Variants in ADGRB3 observed in about 807,000 individuals in gnomAD.
The protein encoded by ADGRB3 is adhesion G protein-coupled receptor B3.
In ADGRB3, 37 loss-of-function variants were observed where a neutral mutation model predicts 193.4. That is an observed-to-expected ratio of 0.19 (90% confidence interval 0.15 to 0.25). ADGRB3 has a LOEUF of 0.25. ADGRB3 is among the 10% of genes least tolerant of loss of function. The pLI is 1.00. For missense variants in ADGRB3, 1,637 were observed against 1,852.9 expected, an observed-to-expected ratio of 0.88 and a Z score of 2.14; for synonymous variants, 690 against 644.2, an observed-to-expected ratio of 1.07 and a Z score of -1.08.
chr6:68,735,394 T>C (rs996237083), intron 3 of ADGRB3, among the ~76,000 whole-genome samples: 13 of 151,932 alleles, frequency 8.6e-5, no homozygotes, highest in African/African-American at 1.2e-4. Flanking sequence ...AGGAATTAAA[T>C]TGAATTAGAA....
chr6:68,859,254 A>G (rs962401102), intron 3 of ADGRB3, among the ~76,000 whole-genome samples: 1 of 152,216 alleles, frequency 6.6e-6, no homozygotes, highest in Non-Finnish European at 1.5e-5. Context: ...GTTATTGTCC[A>G]TATCACTATC....
intron 3 of ADGRB3, among the ~76,000 whole-genome samples, chr6:68,882,542 A>T (rs1375372400): frequency 6.6e-6 from 1 of 152,116 alleles, no homozygotes; most frequent in Non-Finnish European, 1.5e-5. Context: ...CTTCCTTTAC[A>T]TTGCATTATC....
At chr6:68,914,417 C>G (rs895477922) in intron 3 of ADGRB3, among the ~76,000 whole-genome samples, 20 of 152,052 alleles carry the variant, frequency 1.3e-4, no homozygotes, top group African/African-American at 4.3e-4. Flanking sequence ...GAATTTTCAA[C>G]CCAGAATTTC....
intron 6 of ADGRB3, 21 bp from the exon 7 acceptor site, chr6:68,956,003 T>C: frequency 6.2e-7 from 1 of 1,609,172 alleles, no homozygotes. Flanking sequence ...CCTCATGCTG[T>C]CTCTTTTTCT....
At chr6:68,757,496 T>C (rs1480921712) in intron 3 of ADGRB3, among the ~76,000 whole-genome samples, 1 of 152,146 alleles carries the variant, frequency 6.6e-6, no homozygotes, top group Non-Finnish European at 1.5e-5. Context: ...GACTATTGAT[T>C]TGATAATAAA....
intron 17 of ADGRB3, among the ~76,000 whole-genome samples, chr6:69,178,775 C>A (rs1255993493): frequency 1.3e-5 from 2 of 152,170 alleles, no homozygotes; most frequent in Non-Finnish European, 2.9e-5. Flanking sequence ...TGAAAATAGT[C>A]CCTCAGTCTC....
chr6:69,126,380 G>A (rs1045051484), intron 17 of ADGRB3, among the ~76,000 whole-genome samples: 1 of 152,162 alleles, frequency 6.6e-6, no homozygotes, highest in Non-Finnish European at 1.5e-5. Context: ...AACCAGGAAC[G>A]TTGGTAGAGT....
At chr6:69,290,360 G>T (rs1561978242) in intron 20 of ADGRB3, among the ~76,000 whole-genome samples, 1 of 152,072 alleles carries the variant, frequency 6.6e-6, no homozygotes, top group Non-Finnish European at 1.5e-5. Context: ...TGCAGTGGTA[G>T]ATCTAAAATA....
At chr6:68,809,797 T>C (rs1767476226) in intron 3 of ADGRB3, among the ~76,000 whole-genome samples, 1 of 152,224 alleles carries the variant, frequency 6.6e-6, no homozygotes, top group South Asian at 2.1e-4. Flanking sequence ...TAAAAACATA[T>C]TAGTCTCTGC....
At chr6:68,914,933 A>T (rs888264840) in intron 3 of ADGRB3, among the ~76,000 whole-genome samples, 1 of 152,200 alleles carries the variant, frequency 6.6e-6, no homozygotes, top group African/African-American at 2.4e-5. Context: ...TCTACAAAAC[A>T]GTTGAAAGGA....
At chr6:69,196,423 G>A (rs1765297923) in intron 17 of ADGRB3, among the ~76,000 whole-genome samples, 1 of 152,072 alleles carries the variant, frequency 6.6e-6, no homozygotes, top group African/African-American at 2.4e-5. Context: ...TCCGCAGGCT[G>A]TGAGTTCAAC....
At chr6:69,034,085 C>A (rs1037377193) in intron 13 of ADGRB3, among the ~76,000 whole-genome samples, 1 of 151,934 alleles carries the variant, frequency 6.6e-6, no homozygotes, top group Non-Finnish European at 1.5e-5. Context: ...GATACTAAAG[C>A]ATTTTCTTTA....
At chr6:69,050,900 T>G (rs972021649) in intron 15 of ADGRB3, among the ~76,000 whole-genome samples, 6 of 152,180 alleles carry the variant, frequency 3.9e-5, no homozygotes, top group Admixed American at 6.5e-5. Context: ...CATAAATTTT[T>G]TAGATTAGTT....
chr6:69,272,695 A>G (rs906884503), intron 20 of ADGRB3, among the ~76,000 whole-genome samples: 1 of 152,174 alleles, frequency 6.6e-6, no homozygotes, highest in Non-Finnish European at 1.5e-5. Flanking sequence ...GATTAGGGAT[A>G]GAGAAACAAA....
At chr6:68,692,799 T>G (rs1225404398) in intron 3 of ADGRB3, among the ~76,000 whole-genome samples, 1 of 151,242 alleles carries the variant, frequency 6.6e-6, no homozygotes, top group Non-Finnish European at 1.5e-5. Context: ...TTATTTGGTT[T>G]TATTGTAAGG....
chr6:69,284,663 TA>T (rs139019795), intron 20 of ADGRB3, among the ~76,000 whole-genome samples: 3 of 151,798 alleles, frequency 2.0e-5, no homozygotes, highest in South Asian at 2.1e-4. Flanking sequence ...GTATTTAACC[TA>T]AAAAAAACCT....
intron 20 of ADGRB3, among the ~76,000 whole-genome samples, chr6:69,282,949 C>T (rs1349549230): frequency 6.6e-6 from 1 of 151,870 alleles, no homozygotes; most frequent in African/African-American, 2.4e-5. Flanking sequence ...GAGAATAGAT[C>T]AAGGACATTT....
intron 30 of ADGRB3, among the ~76,000 whole-genome samples, chr6:69,376,218 T>A (rs1769818397): frequency 6.6e-6 from 1 of 150,426 alleles, no homozygotes; most frequent in African/African-American, 2.4e-5. Context: ...AGCCTCCTAG[T>A]AGCTGGGACC....
At chr6:68,811,211 T>G (rs1017244112) in intron 3 of ADGRB3, among the ~76,000 whole-genome samples, 2 of 152,156 alleles carry the variant, frequency 1.3e-5, no homozygotes, top group African/African-American at 4.8e-5. Flanking sequence ...TTTCTACTTC[T>G]ATTTTTTAAG....
Sources: gnomAD v4.1 joint callset for allele counts (sites outside exome capture counted in the v4.1 genomes callset) on GRCh38, gnomAD v4.1.1 for gene constraint, MANE v1.5 for transcripts, NCBI Gene and HGNC (gene_info 2026-07-23, HGNC 2026-07-21) for gene names.